Variants in RNF38 observed in about 807,000 individuals in gnomAD.
RNF38 encodes ring finger protein 38.
RNF38 carries 15 observed loss-of-function variants against 67.2 expected under a neutral mutation model. The observed-to-expected ratio is 0.22, with a 90% CI of 0.15 to 0.34. The LOEUF is 0.34. Among genes scored for constraint, RNF38 ranks in the 10% least tolerant of loss-of-function variants. The probability of loss-of-function intolerance (pLI) is 1.00; values close to 1 mark genes in which losing one functional copy is unlikely to be tolerated. For missense variants in RNF38, 524 were observed against 639.9 expected, an observed-to-expected ratio of 0.82 and a Z score of 1.95; for synonymous variants, 220 against 218.8, an observed-to-expected ratio of 1.01 and a Z score of -0.05.
At chr9:36,434,325 G>A (rs1264003856) in intron 1 of RNF38, among the ~76,000 whole-genome samples, 1 of 124,888 alleles carries the variant, frequency 8.0e-6, no homozygotes, top group Non-Finnish European at 1.7e-5. Flanking sequence ...GAGGGGGATG[G>A]GGGAAGGAGG....
At chr9:36,424,750 A>T (rs555906038) in intron 1 of RNF38, 1 of 576,414 alleles carries the variant, frequency 1.7e-6, no homozygotes, top group South Asian at 7.6e-5. Flanking sequence ...TTTACCAATT[A>T]AAAGTGCTTT....
At position 36,423,842 on chromosome 9, in the gene RNF38, G is replaced by A. The variant is rs865941384; in HGVS notation, n.312+771C>T. ...CGGGCGCCTGTAGTCCCAGCTACTC[G>A]GGAGGCTGAGGCAGGAGAATGGCGT... On this transcript the variant is annotated intron_variant and non_coding_transcript_variant, in intron 2 of 3. Coordinates refer to the RNF38 transcript ENST00000488058. Among the ~76,000 whole-genome samples the A allele has an allele frequency of 6.9e-5, 6 of 86,592 alleles. 1 individual carries two copies. The highest frequency in any genetic ancestry group is 7.7e-4 in the South Asian group (2 of 2,584). The allele number at this position is 86,592 out of a possible 152,430, so 56.8% of individuals were successfully genotyped here.
In RNF38 at chr9:36,465,320, C is replaced by T. The variant is rs141914780; in HGVS notation, n.241+21988G>A. Among the ~76,000 whole-genome samples, 440 of 152,274 alleles carry T rather than the reference C, an allele frequency of 2.9e-3. 2 individuals are homozygous for T. Among genetic ancestry groups the T allele is most frequent in the African/African-American group, 9.2e-3 (384 of 41,556 alleles). On this transcript the variant is annotated intron_variant and non_coding_transcript_variant, in intron 1 of 3. Coordinates refer to the RNF38 transcript ENST00000488058. ...ATATATGTCCATGTAAAAACTTGTACACAAGTGTTCATAGCAGCATTCTTT... is the reference window on the plus strand; with the variant it reads ...ATATATGTCCATGTAAAAACTTGTATACAAGTGTTCATAGCAGCATTCTTT...
intron 1 of RNF38, among the ~76,000 whole-genome samples, chr9:36,468,405 G>A (rs1030742953): frequency 3.3e-5 from 5 of 152,228 alleles, no homozygotes; most frequent in African/African-American, 1.2e-4. Flanking sequence ...TCAATCCAGA[G>A]GGCCTAAGAG....
chr9:36,407,715 T>C (rs2134185308), intron 2 of RNF38, among the ~76,000 whole-genome samples: 1 of 152,316 alleles, frequency 6.6e-6, no homozygotes, highest in South Asian at 2.1e-4. Flanking sequence ...AGACAGCACC[T>C]TGAGCTCAAC....
At position 36,369,925 on chromosome 9, in the gene RNF38, CAGG is replaced by C. The variant is rs774514585; in HGVS notation, c.361_363del (p.Pro121del). ...TCCCTTCTTCCTCTCTGGCGCCTGA[CAGG>C]AGGACTGTGATAAATATCAAAAAGA... On this transcript the variant is annotated inframe_deletion, in exon 4 of 12. Coordinates refer to ENST00000259605, the MANE Select transcript of RNF38 (RefSeq NM_022781.5). 100 of 1,611,692 alleles carry C rather than the reference CAGG, an allele frequency of 6.2e-5. No homozygotes were observed. Among genetic ancestry groups the C allele is most frequent in the Non-Finnish European group, 7.1e-5 (84 of 1,179,344 alleles).
chr9:36,436,104 T>C (rs1266850293), intron 1 of RNF38, among the ~76,000 whole-genome samples: 5 of 152,252 alleles, frequency 3.3e-5, no homozygotes, highest in Admixed American at 2.6e-4. Context: ...ATATTAAGGA[T>C]AGACTCTGCG....
Position 36,449,506 on chromosome 9 carries a change from G to A in RNF38, n.242-24823C>T, listed in dbSNP as rs191399893. ...GCTGGAGTGCAGTGGCGCGATCTCG[G>A]TTCACTGCAACCTCCGACTCCTGGG... On this transcript the variant is annotated intron_variant and non_coding_transcript_variant, in intron 1 of 3. Coordinates refer to the RNF38 transcript ENST00000488058. Among the ~76,000 whole-genome samples, 384 of 152,104 alleles carry A rather than the reference G, an allele frequency of 2.5e-3. 1 individual carries two copies. Among genetic ancestry groups the A allele is most frequent in the African/African-American group, 8.4e-3 (349 of 41,550 alleles).
intron 1 of RNF38, among the ~76,000 whole-genome samples, chr9:36,472,809 T>C (rs776642487): frequency 1.3e-5 from 2 of 152,124 alleles, no homozygotes; most frequent in Non-Finnish European, 2.9e-5. Context: ...TATGCCTGAT[T>C]TATAGAGAAT....
At chr9:36,463,274 C>T (rs557001418) in intron 1 of RNF38, among the ~76,000 whole-genome samples, 51 of 152,278 alleles carry the variant, frequency 3.3e-4, no homozygotes, top group African/African-American at 1.2e-3. Flanking sequence ...ACAGTAGACA[C>T]TCATTTGTTT....
At position 36,470,779 on chromosome 9, in the gene RNF38, T is replaced by A. The variant is rs187193350; in HGVS notation, n.241+16529A>T. Among the ~76,000 whole-genome samples the A allele has an allele frequency of 2.0e-5, 3 of 152,262 alleles. No homozygotes were observed. In the East Asian group the frequency reaches 5.8e-4, roughly 29 times the overall value. On this transcript the variant is annotated intron_variant and non_coding_transcript_variant, in intron 1 of 3. Transcript: ENST00000488058. ...CACCAACATCTAGCCCCCACTTCCA[T>A]GCAGCAGCCCCCATCTCCATACAGC...
chr9:36,467,768 G>A (rs1439236994), intron 1 of RNF38, among the ~76,000 whole-genome samples: 1 of 152,122 alleles, frequency 6.6e-6, no homozygotes, highest in Non-Finnish European at 1.5e-5. Context: ...ACCACCTCTG[G>A]GATTATAGTG....
chr9:36,400,547 C>T (rs1054805351), upstream of RNF38: 37 of 989,440 alleles, frequency 3.7e-5, no homozygotes, highest in Middle Eastern at 5.1e-4. Flanking sequence ...GCCGCGGCGG[C>T]CAGTACCTGC....
rs189206560 is a variant in RNF38 at position 36,338,680 on chromosome 9, G to A, written c.*1072C>T. 1.4e-4 allele frequency: 22 copies of A among 152,584 alleles called. No homozygotes were observed. Among genetic ancestry groups the A allele is most frequent in the African/African-American group, 5.3e-4 (22 of 41,556 alleles). The allele number at this position is 152,584 out of a possible 1,614,324, so 9.5% of individuals were successfully genotyped here. On this transcript the variant is annotated 3_prime_UTR_variant, in exon 12 of 12. Transcript: ENST00000259605. ...GTTCTGGTGGAAGTCAACAAGGTGAGACTTCATGGGACTAGTGGTCTTCTT... is the reference window on the plus strand; with the variant it reads ...GTTCTGGTGGAAGTCAACAAGGTGAAACTTCATGGGACTAGTGGTCTTCTT...
chr9:36,463,837 C>G (rs1173790610), intron 1 of RNF38, among the ~76,000 whole-genome samples: 1 of 152,154 alleles, frequency 6.6e-6, no homozygotes, highest in Non-Finnish European at 1.5e-5. Flanking sequence ...CTAGCTCACA[C>G]TTACTCTTTT....
At position 36,363,813 on chromosome 9, in the gene RNF38, G is replaced by T. The variant is rs1405247663; in HGVS notation, c.571-5871C>A. 3.1e-5 allele frequency among the ~76,000 whole-genome samples: 3 copies of T among 98,354 alleles called. 1 individual carries two copies. The highest frequency in any genetic ancestry group is 7.9e-5 in the Non-Finnish European group (3 of 38,182). 64.5% of individuals were successfully genotyped at this position (98,354 alleles called of 152,430 possible). A position where few individuals can be genotyped will look rare whatever the true frequency, so the allele number is the denominator to read the frequency against. Reference sequence around the variant, plus strand: ...CCCTGTAGGTAATTATAACACAAGGGAAGTACAGTTAGCCCTTGAACAACA... The same window carrying T: ...CCCTGTAGGTAATTATAACACAAGGTAAGTACAGTTAGCCCTTGAACAACA... On this transcript the variant is annotated intron_variant, in intron 4 of 11. Coordinates refer to ENST00000259605, the MANE Select transcript of RNF38 (RefSeq NM_022781.5).
intron 4 of RNF38, among the ~76,000 whole-genome samples, chr9:36,366,708 C>T (rs1303878347): frequency 6.6e-6 from 1 of 152,176 alleles, no homozygotes; most frequent in Admixed American, 6.5e-5. Context: ...TGGTTTATTC[C>T]AGGTAGCAGG....
chr9:36,351,955 G>A (rs1337389564), intron 8 of RNF38, among the ~76,000 whole-genome samples: 3 of 152,178 alleles, frequency 2.0e-5, no homozygotes, highest in South Asian at 4.1e-4. Flanking sequence ...CAGGGCTAAC[G>A]AAATCATCGT....
chr9:36,454,531 C>T (rs971752706), intron 1 of RNF38, among the ~76,000 whole-genome samples: 2 of 150,370 alleles, frequency 1.3e-5, no homozygotes, highest in Non-Finnish European at 3.0e-5. Flanking sequence ...TTCTGAAAAC[C>T]TGAGAAAAAA....
Sources: allele counts gnomAD v4.1 joint callset (sites outside exome capture counted in the v4.1 genomes callset), GRCh38; gene constraint gnomAD v4.1.1; transcripts MANE v1.5; gene names NCBI Gene and HGNC (gene_info 2026-07-23, HGNC 2026-07-21).